ZNF512: variants seen among roughly 807,000 people sequenced by gnomAD.
ZNF512 encodes zinc finger protein 512.
ZNF512 carries 25 observed loss-of-function variants against 77.5 expected under a neutral mutation model. The ratio of observed to expected loss-of-function variants is 0.32; its 90% confidence interval spans 0.23 to 0.45. The LOEUF is 0.45. Among genes scored for constraint, ZNF512 ranks in the 20% least tolerant of loss-of-function variants. The probability of loss-of-function intolerance (pLI) is 1.00; values close to 1 mark genes in which losing one functional copy is unlikely to be tolerated. For missense variants in ZNF512, 483 were observed against 692.6 expected (o/e 0.70, Z 3.40); for synonymous variants, 246 against 239.9 (o/e 1.03, Z -0.24).
rs201516895 is a variant in ZNF512 at position 27,599,656 on chromosome 2, T to C, written c.351T>C (p.Pro117=). The part of the protein sequence containing the change: ...QEEDEDYREF[P]QKKHKLYGRK... ...AAGATGAAGACTATCGAGAATTTCC[T>C]CAGAAGAAGCATAAGCTTTATGGTA... The change falls in exon 4 of 14, where the codon CCT becomes CCC. Residue 117 remains proline, a synonymous_variant. Transcript: ENST00000355467. 17 of 1,614,164 alleles carry C rather than the reference T, an allele frequency of 1.1e-5. No individual in the cohort carries two copies. In the Admixed American group the frequency reaches 2.7e-4, roughly 25 times the overall value.
chr2:27,611,707 T>C (rs1479447438), intron 10 of ZNF512, among the ~76,000 whole-genome samples: 2 of 151,702 alleles, frequency 1.3e-5, no homozygotes, highest in Non-Finnish European at 2.9e-5. Flanking sequence ...ATTTTTTTTT[T>C]TTTTTTTGGA....
rs574024975 is a variant in ZNF512, at chr2:27,583,078, C to A, written c.-35C>A. The A allele has an allele frequency of 3.1e-6, 5 of 1,613,884 alleles. No homozygotes were observed. Among genetic ancestry groups the A allele is most frequent in the Admixed American group, 3.3e-5 (2 of 59,982 alleles). ...GAAGTGGCGTTGGTCTGGCCGGAGC[C>A]CTTGGGTGAAATTGTTAGGCGTGGA... On this transcript the variant is annotated 5_prime_UTR_variant, in exon 1 of 14. Transcript: ENST00000355467.
In ZNF512 at chr2:27,621,652, GTTTT is replaced by G; in HGVS notation, c.*192_*195del. 1.7e-6 allele frequency: 1 copy of G among 603,710 alleles called. No individual in the cohort carries two copies. The highest frequency in any genetic ancestry group is 2.8e-6 in the Non-Finnish European group (1 of 363,038). The allele number at this position is 603,710 out of a possible 1,614,324, so 37.4% of individuals were successfully genotyped here. ...TGATTCCCCCCTCCCCTTTTAGTAG[GTTTT>G]CCTGCTATTCCTCGTCAAGTCCTCT... On this transcript the variant is annotated 3_prime_UTR_variant, in exon 14 of 14. Transcript: ENST00000355467.
chr2:27,602,953 G>C (rs960356655), intron 8 of ZNF512, among the ~76,000 whole-genome samples, 187 bp from the exon 9 acceptor site: 1 of 152,172 alleles, frequency 6.6e-6, no homozygotes, highest in African/African-American at 2.4e-5. Flanking sequence ...TGAAAATCAT[G>C]CTTGATCAGA....
chr2:27,601,918 G>A (rs1321305782), intron 7 of ZNF512, among the ~76,000 whole-genome samples: 1 of 152,204 alleles, frequency 6.6e-6, no homozygotes, highest in East Asian at 1.9e-4. Context: ...TAAAGTGCTG[G>A]GATTATAGGC....
At chr2:27,614,976 T>C (rs1189222613) in intron 10 of ZNF512, among the ~76,000 whole-genome samples, 192 bp from the exon 11 acceptor site, 1 of 152,192 alleles carries the variant, frequency 6.6e-6, no homozygotes, top group Non-Finnish European at 1.5e-5. Context: ...ATCAAACTTT[T>C]CTAAGACAAA....
chr2:27,618,213 C>T (rs1161989320), intron 13 of ZNF512, among the ~76,000 whole-genome samples: 2 of 152,142 alleles, frequency 1.3e-5, no homozygotes, highest in Non-Finnish European at 2.9e-5. Context: ...AGCCACCATG[C>T]CCGGCCTGAA....
chr2:27,618,047 G>A (rs976365211), intron 13 of ZNF512, among the ~76,000 whole-genome samples: 3 of 151,078 alleles, frequency 2.0e-5, no homozygotes, highest in Non-Finnish European at 4.4e-5. Context: ...TACTCCCTGA[G>A]TAGCTGAGAT....
chr2:27,613,060 C>T (rs552337058), intron 10 of ZNF512, among the ~76,000 whole-genome samples: 6 of 152,208 alleles, frequency 3.9e-5, no homozygotes, highest in Non-Finnish European at 7.3e-5. Context: ...CCACTTACCT[C>T]CAAAGATAAC....
At position 27,622,949 on chromosome 2, in the gene ZNF512, G is replaced by C. The variant is rs1673183021; in HGVS notation, c.*1488G>C. On this transcript the variant is annotated 3_prime_UTR_variant, in exon 14 of 14. Transcript: ENST00000355467. Reference sequence around the variant, plus strand: ...GTTAAGGACATGGTATATGCACTCTGCATTTTCATTGGCAGTGTGCCCTTA... The same window carrying C: ...GTTAAGGACATGGTATATGCACTCTCCATTTTCATTGGCAGTGTGCCCTTA... 6.5e-6 allele frequency: 1 copy of C among 152,782 alleles called. No homozygotes were observed. Among genetic ancestry groups the C allele is most frequent in the South Asian group, 2.1e-4 (1 of 4,828 alleles). The allele number at this position is 152,782 out of a possible 1,614,324, so 9.5% of individuals were successfully genotyped here. A position where few individuals can be genotyped will look rare whatever the true frequency, so the allele number is the denominator to read the frequency against.
At chr2:27,594,422 CGG>C (rs1671752386) in intron 2 of ZNF512, among the ~76,000 whole-genome samples, 1 of 142,574 alleles carries the variant, frequency 7.0e-6, no homozygotes, top group Non-Finnish European at 1.5e-5. Context: ...GACGGGGTGG[CGG>C]CTGGGCAGAG....
chr2:27,599,150 C>T lies in ZNF512; in HGVS notation c.278-433C>T, dbSNP rs565200606. On this transcript the variant is annotated intron_variant, in intron 3 of 13. Coordinates refer to ENST00000355467, the MANE Select transcript of ZNF512 (RefSeq NM_032434.4). ...TACAGATGTGAGTCACCATGGCTGG[C>T]CCCCCTTTTCTTCTAGTGTGATCCT... Among the ~76,000 whole-genome samples, 25 of 152,188 alleles carry T rather than the reference C, an allele frequency of 1.6e-4. No homozygotes were observed. The South Asian group carries it at 5.0e-3, about 30-fold the overall frequency.
chr2:27,583,046 G>A lies in ZNF512; in HGVS notation c.-67G>A, dbSNP rs1194227647. ...GGAGCCGAGCCCACATCCGGGAGAG[G>A]AGAGCGGAAGTGGCGTTGGTCTGGC... On this transcript the variant is annotated 5_prime_UTR_variant, in exon 1 of 14. Coordinates refer to ENST00000355467, the MANE Select transcript of ZNF512 (RefSeq NM_032434.4). 4.4e-6 allele frequency: 7 copies of A among 1,587,870 alleles called. No homozygotes were observed. The highest frequency in any genetic ancestry group is 2.7e-5 in the African/African-American group (2 of 74,464).
chr2:27,617,609 C>T, intron 13 of ZNF512, 38 bp downstream of exon 13: 1 of 810,046 alleles, frequency 1.2e-6, no homozygotes, highest in Non-Finnish European at 2.2e-6. Context: ...GATATGTAAG[C>T]CACAAGAGAG....
rs1673142197 is a variant in ZNF512 at position 27,622,023 on chromosome 2, A to T, written c.*562A>T. The stretch of plus-strand genomic sequence containing the variant: ...TCAATATGGTTTTAAGATTGAAAGT[A>T]AGAAAACGGATTTAGGATGAAAACT... On this transcript the variant is annotated 3_prime_UTR_variant, in exon 14 of 14. Coordinates refer to ENST00000355467, the MANE Select transcript of ZNF512 (RefSeq NM_032434.4). 6.4e-6 allele frequency: 1 copy of T among 155,206 alleles called. No individual in the cohort carries two copies. Among genetic ancestry groups the T allele is most frequent in the Non-Finnish European group, 1.4e-5 (1 of 69,792 alleles). 9.6% of individuals were successfully genotyped at this position (155,206 alleles called of 1,614,324 possible). A position where few individuals can be genotyped will look rare whatever the true frequency, so the allele number is the denominator to read the frequency against.
chr2:27,589,309 C>T (rs1671469967), intron 2 of ZNF512, among the ~76,000 whole-genome samples: 1 of 152,086 alleles, frequency 6.6e-6, no homozygotes, highest in South Asian at 2.1e-4. Context: ...ACTTAGATTT[C>T]CAGTTTCTTC....
intron 5 of ZNF512, among the ~76,000 whole-genome samples, chr2:27,600,463 C>G (rs1672070171): frequency 1.3e-5 from 2 of 152,030 alleles, no homozygotes; most frequent in Admixed American, 1.3e-4. Context: ...GCTTTGGAGC[C>G]GTTCTCAGGT....
At chr2:27,596,783 T>C (rs1364674017) in intron 2 of ZNF512, among the ~76,000 whole-genome samples, 1 of 152,242 alleles carries the variant, frequency 6.6e-6, no homozygotes, top group Non-Finnish European at 1.5e-5. Context: ...CATTCTTCCC[T>C]ATTTGTAACA....
intron 2 of ZNF512, among the ~76,000 whole-genome samples, chr2:27,596,322 A>T (rs1209576700): frequency 6.6e-6 from 1 of 152,172 alleles, no homozygotes; most frequent in Non-Finnish European, 1.5e-5. Context: ...ACGTATGGGT[A>T]TATGCCACAC....
Sources: gnomAD v4.1 joint callset for allele counts (sites outside exome capture counted in the v4.1 genomes callset) on GRCh38, gnomAD v4.1.1 for gene constraint, MANE v1.5 for transcripts, NCBI Gene and HGNC (gene_info 2026-07-23, HGNC 2026-07-21) for gene names.